The following LRP1 variants were observed in gnomAD, a reference collection of about 807,000 sequenced individuals.
The protein encoded by LRP1 is prolow-density lipoprotein receptor-related protein 1.
LRP1 carries 51 observed loss-of-function variants against 541.5 expected under a neutral mutation model. That is an observed-to-expected ratio of 0.09 (90% CI 0.08 to 0.12). The LOEUF (loss-of-function observed/expected upper bound fraction) is 0.12, where lower values mean the gene tolerates loss of function less well. Among genes scored for constraint, LRP1 ranks in the 10% least tolerant of loss-of-function variants. The pLI, the probability that LRP1 is intolerant of heterozygous loss-of-function variation, is 1.00. For synonymous variants in LRP1, 2,219 were observed against 2,470.8 expected (o/e 0.90, Z 3.02); for missense variants, 3,878 against 6,376.2 (o/e 0.61, Z 13.34).
rs748401838 is a variant in LRP1 at position 57,197,388 on chromosome 12, C to T, written c.9162+4C>T. The T allele has an allele frequency of 4.3e-6, 7 of 1,611,578 alleles. No homozygotes were observed. The highest frequency in any genetic ancestry group is 5.9e-6 in the Non-Finnish European group (7 of 1,178,342). On this transcript the variant is annotated splice_donor_region_variant and intron_variant, in intron 57 of 88. Transcript: ENST00000243077. This position sits in a 1 kb window ranked among gnomAD's most constrained non-coding sequence, Gnocchi z 4.5. ...CAACTACACGTTACTTAAGCAGGTA[C>T]CAAACCCAGGCCCTCCTCCCCGCTG...
At chr12:57,196,953 G>C in intron 55 of LRP1, 29 bp from the exon 56 acceptor site, 2 of 1,587,794 alleles carry the variant, frequency 1.3e-6, no homozygotes, top group Non-Finnish European at 1.7e-6. Context: ...CCTGCCACAT[G>C]CCCAGCCCAA....
chr12:57,206,573 C>T lies in LRP1; in HGVS notation c.11691C>T (p.Asp3897=), dbSNP rs569709680. The change falls in exon 76 of 89, where the codon GAC becomes GAT. Residue 3897 remains aspartate (D), a synonymous_variant. Transcript: ENST00000243077. The surrounding 1 kb of genome is among the most constrained non-coding windows in gnomAD (Gnocchi z 4.7). ...HSAYEQAFQG[D]ESVRIDAMDV... ...CTTACGAGCAGGCATTCCAGGGTGA[C>T]GAGAGTGTCCGCATTGATGCTATGG... is the stretch of plus-strand genomic sequence containing the variant. The T allele has an allele frequency of 3.5e-5, 57 of 1,614,182 alleles. No homozygotes were observed. The highest frequency in any genetic ancestry group is 1.1e-4 in the African/African-American group (8 of 75,044).
chr12:57,199,288 A>G lies in LRP1; in HGVS notation c.9753A>G (p.Thr3251=). 6.2e-7 allele frequency: 1 copy of G among 1,613,950 alleles called. No homozygotes were observed. Among genetic ancestry groups the G allele is most frequent in the Non-Finnish European group, 8.5e-7 (1 of 1,179,996 alleles). Residue 3251 remains threonine, a synonymous_variant, in exon 61 of 89, where the codon ACA becomes ACG. Coordinates refer to ENST00000243077, the MANE Select transcript of LRP1 (RefSeq NM_002332.3). ...ACGTCTACTGGACCGACTGGGAAAC[A>G]AAGTCCATTAACCGAGCCCACAAGA... ...EDYVYWTDWE[T]KSINRAHKTT... is the part of the protein sequence containing the mutation.
chr12:57,173,994 C>T lies in LRP1; in HGVS notation c.3547+14C>T. On this transcript the variant is annotated intron_variant, in intron 22 of 88. Coordinates refer to ENST00000243077, the MANE Select transcript of LRP1 (RefSeq NM_002332.3). This position sits in a 1 kb window ranked among gnomAD's most constrained non-coding sequence, Gnocchi z 4.7. ...GCGAGCTCTGCGGTGAGGCCTGGTC[C>T]CAGGAGAAGGGTAGGGAGGGTGGCT... 1.2e-6 allele frequency: 2 copies of T among 1,613,192 alleles called. No individual in the cohort carries two copies. Among genetic ancestry groups the T allele is most frequent in the Non-Finnish European group, 1.7e-6 (2 of 1,179,720 alleles).
At chr12:57,153,554 C>T (rs1169689656) in intron 6 of LRP1, among the ~76,000 whole-genome samples, 2 of 152,176 alleles carry the variant, frequency 1.3e-5, no homozygotes, top group Admixed American at 1.3e-4. Context: ...TTCTGACCCT[C>T]CCCAGGACAT....
chr12:57,202,413 T>G lies in LRP1; in HGVS notation c.10595-8T>G. The G allele has an allele frequency of 6.2e-7, 1 of 1,605,334 alleles. No individual in the cohort carries two copies. Among genetic ancestry groups the G allele is most frequent in the Non-Finnish European group, 8.5e-7 (1 of 1,172,708 alleles). On this transcript the variant is annotated splice_polypyrimidine_tract_variant and splice_region_variant and intron_variant, in intron 67 of 88. Transcript: ENST00000243077. ...TTCCCTGACTGCCCTGACACTTGCC[T>G]CCTCCAGATGAACGCACCTGTGAGC...
intron 60 of LRP1, 101 bp downstream of exon 60, chr12:57,198,771 A>C: frequency 8.3e-7 from 1 of 1,198,144 alleles, no homozygotes; most frequent in Non-Finnish European, 1.2e-6. Context: ...TGGACATAAA[A>C]AGCGGAGGAT....
chr12:57,147,977 G>A (rs569169477), intron 6 of LRP1, among the ~76,000 whole-genome samples: 44 of 152,162 alleles, frequency 2.9e-4, no homozygotes, highest in Admixed American at 9.2e-4. Flanking sequence ...CCCCTCTGCC[G>A]CTGGCCCAGT....
rs2035624019 is a variant in LRP1 at position 57,156,536 on chromosome 12, C to G, written c.1418-241C>G. Among the ~76,000 whole-genome samples the G allele has an allele frequency of 6.6e-6, 1 of 152,244 alleles. No homozygotes were observed. The highest frequency in any genetic ancestry group is 2.4e-5 in the African/African-American group (1 of 41,468). Reference sequence around the variant, plus strand: ...TCCCCTTGCCAGTCTGGAGCAGTAGCACCTGGCCATGGGCAACCCTGGAAC... The same window carrying G: ...TCCCCTTGCCAGTCTGGAGCAGTAGGACCTGGCCATGGGCAACCCTGGAAC... On this transcript the variant is annotated intron_variant, in intron 9 of 88. Transcript: ENST00000243077. The surrounding 1 kb of genome is among the most constrained non-coding windows in gnomAD (Gnocchi z 5.2).
intron 4 of LRP1, chr12:57,144,732 G>A: frequency 1.8e-6 from 1 of 547,086 alleles, no homozygotes; most frequent in Non-Finnish European, 3.3e-6. Flanking sequence ...CCCATAGTAG[G>A]GACTCAATAA....
chr12:57,185,067 T>C lies in LRP1; in HGVS notation c.6339-14T>C, dbSNP rs367656175. ...CTCCACTGATGCCCTGCTTGTGCCC[T>C]GTCCTTCCCTCAGGACTCATGCCAA... On this transcript the variant is annotated splice_polypyrimidine_tract_variant and intron_variant, in intron 39 of 88. Transcript: ENST00000243077. The surrounding 1 kb of genome is among the most constrained non-coding windows in gnomAD (Gnocchi z 4.9). 1 of 1,614,148 alleles carries C rather than the reference T, an allele frequency of 6.2e-7. No individual in the cohort carries two copies. Among genetic ancestry groups the C allele is most frequent in the Non-Finnish European group, 8.5e-7 (1 of 1,180,012 alleles).
At position 57,210,032 on chromosome 12, in the gene LRP1, C is replaced by G; in HGVS notation, c.12443C>G (p.Thr4148Ser). Residue 4148 changes from threonine (T) to serine (S), a missense_variant, in exon 81 of 89, where the codon ACC becomes AGC. Transcript: ENST00000243077. ...CCCACCCCACCCATACCTGCAGTGA[C>G]CAACCCATGTGACCGCAAGAAATGC... ...LYHQHKQPEV[T>S]NPCDRKKCEW... The G allele has an allele frequency of 6.2e-7, 1 of 1,606,986 alleles. No individual in the cohort carries two copies. The highest frequency in any genetic ancestry group is 8.5e-7 in the Non-Finnish European group (1 of 1,176,136).
At position 57,167,423 on chromosome 12, in the gene LRP1, G is replaced by A. The variant is rs1222321620; in HGVS notation, c.2915-21G>A. On this transcript the variant is annotated intron_variant, in intron 18 of 88. Transcript: ENST00000243077. ...TGTGTAATCGTGAAGGCCCTACTCA[G>A]CTACTCTTTCTTCCTCACAGCCTAT... 2.5e-6 allele frequency: 4 copies of A among 1,583,292 alleles called. No individual in the cohort carries two copies. The East Asian group carries it at 8.9e-5, about 35-fold the overall frequency.
intron 11 of LRP1, 148 bp from the exon 12 acceptor site, chr12:57,159,677 C>T: frequency 1.5e-6 from 1 of 667,934 alleles, no homozygotes; most frequent in Non-Finnish European, 2.6e-6. Context: ...TGTCCCTACC[C>T]CCACCCATCT....
In LRP1 at chr12:57,195,094, T is replaced by G. The variant is rs1219018727; in HGVS notation, c.8301T>G (p.Ala2767=). The change falls in exon 51 of 89, where the codon GCT becomes GCG. Residue 2767 remains alanine (A), a synonymous_variant. Coordinates refer to ENST00000243077, the MANE Select transcript of LRP1 (RefSeq NM_002332.3). ...DDCGDGSDEA[A]HCEGKTCGPS... ...GTGGGGATGGCTCAGACGAGGCTGC[T>G]CACTGTGGTAAGGAAGCTGGGATTG... The G allele has an allele frequency of 6.2e-7, 1 of 1,613,310 alleles. No homozygotes were observed. The highest frequency in any genetic ancestry group is 8.5e-7 in the Non-Finnish European group (1 of 1,179,360).
rs1292696291 is a variant in LRP1, at chr12:57,195,843, C to T, written c.8561-20C>T. 6.2e-7 allele frequency: 1 copy of T among 1,614,046 alleles called. No individual in the cohort carries two copies. Among genetic ancestry groups the T allele is most frequent in the Non-Finnish European group, 8.5e-7 (1 of 1,180,016 alleles). ...CTGCCGGGCCAGGGCATCAGCCTCA[C>T]AGGTCCATTCCTCCCCCAGAGTACC... On this transcript the variant is annotated intron_variant, in intron 53 of 88. Coordinates refer to ENST00000243077, the MANE Select transcript of LRP1 (RefSeq NM_002332.3).
At chr12:57,176,223 C>T in intron 24 of LRP1, 117 bp downstream of exon 24, 1 of 976,742 alleles carries the variant, frequency 1.0e-6, no homozygotes. Context: ...ATCCCCCACA[C>T]TTCTGTTCAT....
chr12:57,201,228 C>CT lies in LRP1; in HGVS notation c.10345+78dup. ...CAGGGCAGGCAGAATCTCCCCACAG[C>CT]TTTGAGAGGCTCTCAAATAACTTTA... On this transcript the variant is annotated intron_variant, in intron 65 of 88. Coordinates refer to ENST00000243077, the MANE Select transcript of LRP1 (RefSeq NM_002332.3). This position sits in a 1 kb window ranked among gnomAD's most constrained non-coding sequence, Gnocchi z 6.4. The CT allele has an allele frequency of 6.3e-7, 1 of 1,590,004 alleles. No individual in the cohort carries two copies. The highest frequency in any genetic ancestry group is 1.1e-5 in the South Asian group (1 of 88,824).
At chr12:57,191,843 C>CAGG in intron 44 of LRP1, among the ~76,000 whole-genome samples, 1 of 56,820 alleles carries the variant, frequency 1.8e-5, no homozygotes, top group South Asian at 3.9e-4. Flanking sequence ...ACATACCACA[C>CAGG]ACACACCACA....
Sources: gnomAD v4.1 joint callset for allele counts (sites outside exome capture counted in the v4.1 genomes callset) on GRCh38, gnomAD v4.1.1 for gene constraint, Gnocchi (gnomAD v3.1) non-coding constraint, MANE v1.5 for transcripts, NCBI Gene and HGNC (gene_info 2026-07-23, HGNC 2026-07-21) for gene names.